Variants in NAALADL2 observed in about 807,000 individuals in gnomAD.
NAALADL2 encodes inactive N-acetylated-alpha-linked acidic dipeptidase-like protein 2.
NAALADL2 carries 76 observed loss-of-function variants against 87.2 expected under a neutral mutation model. The ratio of observed to expected loss-of-function variants is 0.87; its 90% confidence interval spans 0.72 to 1.05. NAALADL2 has a LOEUF of 1.05. Among genes scored for constraint, NAALADL2 ranks in the 50% least tolerant of loss-of-function variants. The pLI is 0.00. For missense variants in NAALADL2, 1,089 were observed against 945.8 expected (o/e 1.15, Z -1.99); for synonymous variants, 354 against 331.0 (o/e 1.07, Z -0.75).
chr3:174,811,936 C>G (rs964441416), intron 3 of NAALADL2, among the ~76,000 whole-genome samples: 2 of 152,168 alleles, frequency 1.3e-5, no homozygotes, highest in South Asian at 4.1e-4. Context: ...CTTATGAAAT[C>G]TGCCTTTTTT....
At chr3:175,382,876 G>T (rs930612205) in intron 5 of NAALADL2, among the ~76,000 whole-genome samples, 1 of 151,966 alleles carries the variant, frequency 6.6e-6, no homozygotes, top group Non-Finnish European at 1.5e-5. Flanking sequence ...TTTGACAATA[G>T]CCTTTCAATA....
At chr3:175,153,144 A>G (rs1731797051) in intron 2 of NAALADL2, among the ~76,000 whole-genome samples, 1 of 152,112 alleles carries the variant, frequency 6.6e-6, no homozygotes, top group African/African-American at 2.4e-5. Flanking sequence ...CTTACCTCTT[A>G]AAGATCTACC....
intron 13 of NAALADL2, among the ~76,000 whole-genome samples, chr3:175,786,785 G>T (rs1050249319): frequency 6.6e-6 from 1 of 151,842 alleles, no homozygotes; most frequent in African/African-American, 2.4e-5. Flanking sequence ...GAGGAGAGGC[G>T]CTCTGCGTTT....
At chr3:175,088,160 G>A (rs1719414693) in intron 1 of NAALADL2, among the ~76,000 whole-genome samples, 1 of 152,090 alleles carries the variant, frequency 6.6e-6, no homozygotes, top group African/African-American at 2.4e-5. Context: ...AGTATTTTGG[G>A]TTAAATTACC....
Position 175,197,881 on chromosome 3 carries a change from A to G in NAALADL2, c.546-36050A>G, listed in dbSNP as rs78838534. ...TTACCACTGAGGGCAGCTGAGGGTC[A>G]GTCTTGCTGGTGAACCCTGCAACAC... On this transcript the variant is annotated intron_variant, in intron 2 of 13. Transcript: ENST00000454872. Among the ~76,000 whole-genome samples, 695 of 152,186 alleles carry G rather than the reference A, an allele frequency of 4.6e-3. 10 individuals carry two copies. In the East Asian group the frequency reaches 0.049, roughly 11 times the overall value.
At chr3:175,568,576 T>C (rs1253917532) in intron 9 of NAALADL2, among the ~76,000 whole-genome samples, 1 of 152,218 alleles carries the variant, frequency 6.6e-6, no homozygotes, top group African/African-American at 2.4e-5. Context: ...ATCTCAATTC[T>C]ATTAATTTGG....
chr3:175,258,655 G>A (rs958973814), intron 4 of NAALADL2, among the ~76,000 whole-genome samples: 2 of 152,032 alleles, frequency 1.3e-5, no homozygotes, highest in African/African-American at 2.4e-5. Context: ...TTTATGAAGA[G>A]GAATTTTGGA....
At chr3:174,736,027 G>A (rs551266733) in intron 2 of NAALADL2, among the ~76,000 whole-genome samples, 1 of 152,136 alleles carries the variant, frequency 6.6e-6, no homozygotes. Context: ...CCTGGGTGCT[G>A]GCTCCCTGTG....
intron 11 of NAALADL2, among the ~76,000 whole-genome samples, chr3:175,695,576 T>C (rs1737664865): frequency 6.6e-6 from 1 of 152,190 alleles, no homozygotes; most frequent in Non-Finnish European, 1.5e-5. Flanking sequence ...ACTCTCTTTA[T>C]CTGTATAGGT....
chr3:174,933,825 A>G (rs772739217), intron 1 of NAALADL2, among the ~76,000 whole-genome samples: 12 of 152,298 alleles, frequency 7.9e-5, no homozygotes, highest in Admixed American at 6.5e-4. Flanking sequence ...ATATGGTCCC[A>G]TTGTGAACCA....
chr3:175,068,502 G>T (rs1304983439), intron 1 of NAALADL2, among the ~76,000 whole-genome samples: 1 of 152,110 alleles, frequency 6.6e-6, no homozygotes, highest in Admixed American at 6.6e-5. Context: ...AGGCATTTGT[G>T]AAGATTTGGA....
intron 3 of NAALADL2, among the ~76,000 whole-genome samples, chr3:174,784,487 G>A (rs1384375728): frequency 6.6e-6 from 1 of 152,160 alleles, no homozygotes; most frequent in Non-Finnish European, 1.5e-5. Context: ...ATGTGCCTCA[G>A]TAGCTAGCAC....
At chr3:175,343,655 G>GTTTTTTTTTTTTTATTTT (rs1762803378) in intron 5 of NAALADL2, among the ~76,000 whole-genome samples, 1 of 64,726 alleles carries the variant, frequency 1.5e-5, no homozygotes, top group African/African-American at 4.6e-5. Context: ...TCTTGATCAT[G>GTTTTTTTTTTTTTATTTT]TTTTTTTTTT....
intron 1 of NAALADL2, among the ~76,000 whole-genome samples, chr3:175,075,267 CAG>C (rs2109185732): frequency 6.6e-6 from 1 of 152,182 alleles, no homozygotes; most frequent in East Asian, 1.9e-4. Flanking sequence ...CTCTAAGAAA[CAG>C]AAACTTAGAA....
At chr3:175,591,767 G>GTT (rs1553928588) in intron 10 of NAALADL2, among the ~76,000 whole-genome samples, 1 of 45,394 alleles carries the variant, frequency 2.2e-5, no homozygotes, top group African/African-American at 6.5e-5. Flanking sequence ...ATGCGCATGT[G>GTT]GTGTGTGTGT....
intron 1 of NAALADL2, among the ~76,000 whole-genome samples, chr3:174,478,746 C>T (rs1323327844): frequency 6.6e-6 from 1 of 152,118 alleles, no homozygotes; most frequent in East Asian, 1.9e-4. Flanking sequence ...GAACCTTGTT[C>T]TGTCACCCAG....
chr3:175,139,363 A>G (rs1171180823), intron 2 of NAALADL2, among the ~76,000 whole-genome samples: 1 of 152,080 alleles, frequency 6.6e-6, no homozygotes, highest in Admixed American at 6.6e-5. Flanking sequence ...TCTACTTGGT[A>G]ATTTGTAATG....
intron 11 of NAALADL2, among the ~76,000 whole-genome samples, chr3:175,644,638 C>T (rs1389426604): frequency 6.6e-6 from 1 of 152,082 alleles, no homozygotes; most frequent in African/African-American, 2.4e-5. Flanking sequence ...GTTTTAGACA[C>T]AGAATTTTAA....
At chr3:174,711,131 G>A (rs1730584369) in intron 2 of NAALADL2, among the ~76,000 whole-genome samples, 1 of 152,084 alleles carries the variant, frequency 6.6e-6, no homozygotes, top group African/African-American at 2.4e-5. Context: ...TAGGAACTCT[G>A]GTTTCAAATC....
Sources: gnomAD v4.1 joint callset for allele counts (sites outside exome capture counted in the v4.1 genomes callset) on GRCh38, gnomAD v4.1.1 for gene constraint, MANE v1.5 for transcripts, NCBI Gene and HGNC (gene_info 2026-07-23, HGNC 2026-07-21) for gene names.